Variants in VPS8 observed in about 807,000 individuals in gnomAD.
VPS8 encodes the protein vacuolar protein sorting-associated protein 8 homolog.
In VPS8, 129 loss-of-function variants were observed where a neutral mutation model predicts 216.4. That is an observed-to-expected ratio of 0.60 (90% confidence interval 0.52 to 0.69). The LOEUF (loss-of-function observed/expected upper bound fraction) is 0.69. Among genes scored for constraint, VPS8 ranks in the 30% least tolerant of loss-of-function variants. The pLI, the probability that VPS8 is intolerant of heterozygous loss-of-function variation, is 0.00. For synonymous variants in VPS8, 571 were observed against 565.4 expected (o/e 1.01, Z -0.14); for missense variants, 1,531 against 1,683.5 (o/e 0.91, Z 1.59).
chr3:185,027,643 A>G (rs575385012), intron 46 of VPS8, among the ~76,000 whole-genome samples: 13 of 152,296 alleles, frequency 8.5e-5, no homozygotes, highest in African/African-American at 2.4e-4. Context: ...TTTGCCATGT[A>G]TATAGGCATT....
chr3:184,988,720 T>C (rs960391276), intron 42 of VPS8, among the ~76,000 whole-genome samples: 10 of 152,204 alleles, frequency 6.6e-5, no homozygotes, highest in African/African-American at 9.6e-5. Flanking sequence ...TAGGAATACA[T>C]TGAACTTATA....
intron 44 of VPS8, among the ~76,000 whole-genome samples, chr3:184,998,860 ATAAT>A (rs1393874648): frequency 2.6e-5 from 4 of 151,980 alleles, no homozygotes; most frequent in African/African-American, 4.8e-5. Context: ...AGCTACTTAA[ATAAT>A]TATGATTTTT....
intron 40 of VPS8, among the ~76,000 whole-genome samples, chr3:184,978,082 A>G (rs1749600138): frequency 6.6e-6 from 1 of 151,224 alleles, no homozygotes; most frequent in Non-Finnish European, 1.5e-5. Context: ...TCTCATTGGT[A>G]GGCTTTTTAT....
chr3:185,002,101 A>G (rs1753497460), intron 45 of VPS8, among the ~76,000 whole-genome samples: 1 of 152,218 alleles, frequency 6.6e-6, no homozygotes, highest in Admixed American at 6.5e-5. Context: ...AGGGTCAGAA[A>G]GAGAGTGAAA....
intron 21 of VPS8, among the ~76,000 whole-genome samples, chr3:184,885,720 A>G (rs1731090774): frequency 6.6e-6 from 1 of 152,146 alleles, no homozygotes; most frequent in Non-Finnish European, 1.5e-5. Flanking sequence ...ATAAGCTTGT[A>G]AGATATATGT....
chr3:184,854,075 T>C lies in VPS8; in HGVS notation c.976-39T>C, dbSNP rs7629295. On this transcript the variant is annotated intron_variant, in intron 12 of 47. Coordinates refer to ENST00000625842, the MANE Select transcript of VPS8 (RefSeq NM_001009921.3). ...GCTTTGAATACCAAATATTTGAAAA[T>C]TCCAAGGTCAATATTGAAAACATAT... is the stretch of plus-strand genomic sequence containing the variant. 3,291 of 1,612,748 alleles carry C rather than the reference T, an allele frequency of 2.0e-3. 61 individuals carry two copies. In the African/African-American group the frequency reaches 0.039, roughly 19 times the overall value.
chr3:184,984,183 C>CAAAAAAAAAAAAAAAAAAAAAA (rs1453935100), intron 42 of VPS8, among the ~76,000 whole-genome samples: 219 of 2,886 alleles, frequency 0.076, 109 homozygotes, highest in Non-Finnish European at 0.09. Context: ...GACTCCGTCT[C>CAAAAAAAAAAAAAAAAAAAAAA]AAAAAAAAAA....
intron 8 of VPS8, among the ~76,000 whole-genome samples, chr3:184,844,567 G>A (rs1722772480): frequency 6.6e-6 from 1 of 152,168 alleles, no homozygotes; most frequent in African/African-American, 2.4e-5. Flanking sequence ...AGAAATAGAG[G>A]ATTGGGCTAA....
chr3:184,971,609 A>C (rs1380295532), intron 39 of VPS8, 40 bp from the exon 40 acceptor site: 11 of 1,520,812 alleles, frequency 7.2e-6, no homozygotes, highest in Non-Finnish European at 9.9e-6. Context: ...ATTATCAGCA[A>C]CATATCCTTA....
chr3:184,831,812 G>A (rs1214868168), intron 3 of VPS8, among the ~76,000 whole-genome samples: 1 of 152,084 alleles, frequency 6.6e-6, no homozygotes, highest in Non-Finnish European at 1.5e-5. Flanking sequence ...GGGATCTCCC[G>A]TTTTTCCTTG....
At chr3:184,910,862 T>G (rs577620749) in intron 25 of VPS8, among the ~76,000 whole-genome samples, 125 of 152,324 alleles carry the variant, frequency 8.2e-4, no homozygotes, top group African/African-American at 2.9e-3. Context: ...CAGTTCATGC[T>G]TCTGCTCAGT....
At chr3:185,013,620 C>G (rs140851364) in intron 45 of VPS8, among the ~76,000 whole-genome samples, 1 of 152,144 alleles carries the variant, frequency 6.6e-6, no homozygotes, top group South Asian at 2.1e-4. Flanking sequence ...TTTATTCTTT[C>G]CTAAATTTTG....
At chr3:184,924,380 G>A (rs1290816497) in intron 29 of VPS8, among the ~76,000 whole-genome samples, 4 of 152,122 alleles carry the variant, frequency 2.6e-5, no homozygotes, top group East Asian at 1.9e-4. Context: ...AACCAGGTGC[G>A]GTGGCACACG....
At chr3:184,825,732 C>G (rs763557000) in intron 2 of VPS8, among the ~76,000 whole-genome samples, 8 of 152,042 alleles carry the variant, frequency 5.3e-5, no homozygotes, top group Admixed American at 1.3e-4. Flanking sequence ...GAAACCCCAT[C>G]TCTACTAAAA....
At chr3:185,003,848 G>A (rs1205317160) in intron 45 of VPS8, among the ~76,000 whole-genome samples, 11 of 151,778 alleles carry the variant, frequency 7.2e-5, no homozygotes, top group African/African-American at 1.2e-4. Flanking sequence ...CAGACGGGGC[G>A]GCCGGGCAGA....
At chr3:184,982,356 C>A (rs1038355564) in intron 40 of VPS8, 3 of 526,074 alleles carry the variant, frequency 5.7e-6, no homozygotes, top group Admixed American at 3.8e-5. Flanking sequence ...ATAAAGATGC[C>A]TGTTCTAGCT....
intron 25 of VPS8, among the ~76,000 whole-genome samples, chr3:184,904,450 G>A (rs1299476937): frequency 1.3e-5 from 2 of 152,178 alleles, no homozygotes; most frequent in Non-Finnish European, 2.9e-5. Flanking sequence ...CAGCTATTAA[G>A]ATTATCTTGT....
chr3:185,013,343 G>T (rs1755318652), intron 45 of VPS8, among the ~76,000 whole-genome samples: 2 of 152,184 alleles, frequency 1.3e-5, no homozygotes, highest in Admixed American at 1.3e-4. Flanking sequence ...TTTGCATGGT[G>T]AGCTACTTCT....
intron 36 of VPS8, among the ~76,000 whole-genome samples, chr3:184,955,562 C>G (rs930287591): frequency 6.6e-6 from 1 of 151,936 alleles, no homozygotes; most frequent in African/African-American, 2.4e-5. Flanking sequence ...GTCTCCGCGT[C>G]TTGGTGGTAG....
Sources: allele counts gnomAD v4.1 joint callset (sites outside exome capture counted in the v4.1 genomes callset), GRCh38; gene constraint gnomAD v4.1.1; transcripts MANE v1.5; gene names NCBI Gene and HGNC (gene_info 2026-07-23, HGNC 2026-07-21).